PTPRJ: variants seen among roughly 807,000 people sequenced by gnomAD.
The protein encoded by PTPRJ is receptor-type tyrosine-protein phosphatase eta.
PTPRJ carries 129 observed loss-of-function variants against 141.3 expected under a neutral mutation model. The ratio of observed to expected loss-of-function variants is 0.91; its 90% CI spans 0.79 to 1.06. PTPRJ has a LOEUF of 1.06. Ranked by LOEUF, PTPRJ falls within the 50% of genes least tolerant of loss-of-function variation. The probability of loss-of-function intolerance (pLI) is 0.00; values close to 1 mark genes in which losing one functional copy is unlikely to be tolerated. For synonymous variants in PTPRJ, 610 were observed against 640.5 expected, an observed-to-expected ratio of 0.95 and a Z score of 0.72; for missense variants, 1,601 against 1,679.7, an observed-to-expected ratio of 0.95 and a Z score of 0.82.
chr11:48,143,693 G>A (rs1212135687), intron 12 of PTPRJ, among the ~76,000 whole-genome samples: 1 of 152,118 alleles, frequency 6.6e-6, no homozygotes, highest in Non-Finnish European at 1.5e-5. Flanking sequence ...GGAATCATTC[G>A]AGAGTCTCTT....
At position 48,127,832 on chromosome 11, in the gene PTPRJ, G is replaced by A. The variant is rs145270865; in HGVS notation, c.1146G>A (p.Leu382=). ...VTAVNISATS[L]TLIWKVSDNE... Reference sequence around the variant, plus strand: ...CTGTGAACATCAGTGCCACAAGCCTGACCCTGATCTGGAAAGTCAGCGATA... The same window carrying A: ...CTGTGAACATCAGTGCCACAAGCCTAACCCTGATCTGGAAAGTCAGCGATA... The change falls in exon 7 of 25, where the codon CTG becomes CTA. Residue 382 remains leucine, a synonymous_variant. Transcript: ENST00000418331. 8.1e-6 allele frequency: 13 copies of A among 1,614,184 alleles called. No individual in the cohort carries two copies. The highest frequency in any genetic ancestry group is 1.1e-5 in the Non-Finnish European group (13 of 1,180,036).
chr11:48,130,766 C>G (rs771559744), intron 8 of PTPRJ, 50 bp downstream of exon 8: 1 of 1,485,050 alleles, frequency 6.7e-7, no homozygotes, highest in Admixed American at 2.2e-5. Flanking sequence ...TAAAGGAAAT[C>G]AGTATAATTA....
intron 1 of PTPRJ, among the ~76,000 whole-genome samples, chr11:48,082,793 A>G (rs1384627272): frequency 6.6e-6 from 1 of 152,132 alleles, no homozygotes; most frequent in African/African-American, 2.4e-5. Context: ...CATGTATTAC[A>G]TAATAGGGGT....
At position 48,075,749 on chromosome 11, in the gene PTPRJ, C is replaced by T. The variant is rs80200516; in HGVS notation, c.97-34309C>T. The stretch of plus-strand genomic sequence containing the variant: ...CACCTGTCCTGTGCTAGGCTCTTAA[C>T]GTCCTTCCCAGATGTTATGTCCCTT... On this transcript the variant is annotated intron_variant, in intron 1 of 24. Transcript: ENST00000418331. Among the ~76,000 whole-genome samples the T allele has an allele frequency of 1.2e-3, 184 of 152,314 alleles. 2 individuals are homozygous for T. In the East Asian group the frequency reaches 0.027, roughly 23 times the overall value.
At chr11:47,997,513 G>A (rs1265815236) in intron 1 of PTPRJ, among the ~76,000 whole-genome samples, 2 of 152,172 alleles carry the variant, frequency 1.3e-5, no homozygotes, top group Non-Finnish European at 2.9e-5. Flanking sequence ...AGCTTTGGCC[G>A]AGTTTGTGCT....
chr11:48,082,121 CTCTT>C (rs1329419438), intron 1 of PTPRJ, among the ~76,000 whole-genome samples: 1 of 152,224 alleles, frequency 6.6e-6, no homozygotes, highest in Non-Finnish European at 1.5e-5. Flanking sequence ...AGTCCCATCT[CTCTT>C]TTGTCTTCTT....
chr11:47,990,140 C>T (rs1854150418), intron 1 of PTPRJ, among the ~76,000 whole-genome samples: 1 of 151,904 alleles, frequency 6.6e-6, no homozygotes, highest in Admixed American at 6.6e-5. Flanking sequence ...ACTGAGATTC[C>T]ATCTCAAAAA....
At chr11:48,045,348 G>T (rs1854364622) in intron 1 of PTPRJ, among the ~76,000 whole-genome samples, 1 of 152,126 alleles carries the variant, frequency 6.6e-6, no homozygotes, top group South Asian at 2.1e-4. Context: ...TGATCCCATT[G>T]GGTGACCCTG....
intron 1 of PTPRJ, among the ~76,000 whole-genome samples, chr11:48,023,569 G>A (rs1210255255): frequency 2.6e-5 from 4 of 152,084 alleles, no homozygotes; most frequent in Admixed American, 1.3e-4. Context: ...CAATCGTGAG[G>A]TCAGGAGTTC....
At position 48,139,502 on chromosome 11, in the gene PTPRJ, C is replaced by T; in HGVS notation, c.2169C>T (p.Ala723=). 2 of 1,613,872 alleles carry T rather than the reference C, an allele frequency of 1.2e-6. No individual in the cohort carries two copies. The highest frequency in any genetic ancestry group is 1.7e-6 in the Non-Finnish European group (2 of 1,179,728). Residue 723 remains alanine (A), a synonymous_variant, in exon 11 of 25, where the codon GCC becomes GCT. Coordinates refer to ENST00000418331, the MANE Select transcript of PTPRJ (RefSeq NM_002843.4). ...GCTTTGCAGATCCTGCGTCCATGGCCTCCTTCGACTGCGAAGTGGTCCCCA... is the reference window on the plus strand; with the variant it reads ...GCTTTGCAGATCCTGCGTCCATGGCTTCCTTCGACTGCGAAGTGGTCCCCA... ...KSFCTDPASM[A]SFDCEVVPKE...
At chr11:48,017,085 A>C (rs2134207828) in intron 1 of PTPRJ, among the ~76,000 whole-genome samples, 1 of 152,178 alleles carries the variant, frequency 6.6e-6, no homozygotes, top group East Asian at 1.9e-4. Flanking sequence ...TACAAGTGGA[A>C]ACAGGGGGTT....
intron 9 of PTPRJ, 41 bp from the exon 10 acceptor site, chr11:48,136,962 A>C: frequency 6.6e-7 from 1 of 1,512,898 alleles, no homozygotes; most frequent in African/African-American, 1.4e-5. Context: ...ATTCTACTTA[A>C]TCTGTGCTTT....
At chr11:48,077,181 A>T (rs995225919) in intron 1 of PTPRJ, among the ~76,000 whole-genome samples, 6 of 145,848 alleles carry the variant, frequency 4.1e-5, no homozygotes, top group Non-Finnish European at 9.1e-5. Flanking sequence ...TTTTTTCTTT[A>T]AAAAAAAAAA....
In PTPRJ at chr11:48,158,168, A is replaced by G. The variant is rs569375265; in HGVS notation, c.3439-1762A>G. Among the ~76,000 whole-genome samples the G allele has an allele frequency of 6.6e-6, 1 of 152,166 alleles. No homozygotes were observed. Among genetic ancestry groups the G allele is most frequent in the African/African-American group, 2.4e-5 (1 of 41,434 alleles). On this transcript the variant is annotated intron_variant, in intron 21 of 24. Transcript: ENST00000418331. The surrounding 1 kb of genome is among the most constrained non-coding windows in gnomAD (Gnocchi z 4.4). ...CTCTGTCTCAAAACAAAACAAAACAAAAAAAGAAGAATGCAAATAAGCTTT... is the reference window on the plus strand; with the variant it reads ...CTCTGTCTCAAAACAAAACAAAACAGAAAAAGAAGAATGCAAATAAGCTTT...
intron 1 of PTPRJ, among the ~76,000 whole-genome samples, chr11:48,036,787 T>C (rs1854135943): frequency 6.6e-6 from 1 of 152,232 alleles, no homozygotes; most frequent in African/African-American, 2.4e-5. Flanking sequence ...TCCTGTCTTT[T>C]TTACCTATCA....
chr11:48,135,121 A>G (rs1857062299), intron 8 of PTPRJ, among the ~76,000 whole-genome samples: 1 of 151,442 alleles, frequency 6.6e-6, no homozygotes, highest in Non-Finnish European at 1.5e-5. Context: ...ACCAGCACCC[A>G]TATAAAAAAA....
Position 48,139,603 on chromosome 11 carries a change from G to A in PTPRJ, c.2270G>A (p.Gly757Glu). Residue 757 changes from glycine to glutamate, a missense_variant, in exon 11 of 25, where the codon GGA (glycine) becomes GAA (glutamate). By Grantham distance (98) the Gly-to-Glu change is moderately conservative (BLOSUM62 -2). Coordinates refer to ENST00000418331, the MANE Select transcript of PTPRJ (RefSeq NM_002843.4). Reference protein sequence around the residue: ...NAGFELEVSSGAWNNATHLES... With the variant: ...NAGFELEVSSEAWNNATHLES... ...GGCTTTGAGCTGGAGGTCAGCAGTG[G>A]AGCCTGGAACAATGCGACCCACCTG... is the stretch of plus-strand genomic sequence containing the variant. The A allele has an allele frequency of 6.2e-7, 1 of 1,614,256 alleles. No individual in the cohort carries two copies. Among genetic ancestry groups the A allele is most frequent in the Non-Finnish European group, 8.5e-7 (1 of 1,180,044 alleles).
At chr11:48,009,640 C>T (rs1322239572) in intron 1 of PTPRJ, among the ~76,000 whole-genome samples, 7 of 152,110 alleles carry the variant, frequency 4.6e-5, no homozygotes, top group South Asian at 2.1e-4. Flanking sequence ...GACTTGAAGC[C>T]GTGCTTTATA....
At chr11:48,135,996 T>C in intron 8 of PTPRJ, 43 bp from the exon 9 acceptor site, 2 of 1,592,696 alleles carry the variant, frequency 1.3e-6, no homozygotes, top group East Asian at 2.2e-5. Context: ...CTGGGCGTCA[T>C]GATAGTAACA....
Sources: gnomAD v4.1 joint callset for allele counts (sites outside exome capture counted in the v4.1 genomes callset) on GRCh38, gnomAD v4.1.1 for gene constraint, Gnocchi (gnomAD v3.1) non-coding constraint, MANE v1.5 for transcripts, NCBI Gene and HGNC (gene_info 2026-07-23, HGNC 2026-07-21) for gene names.